The following EDRF1 variants were observed in gnomAD, a reference collection of about 807,000 sequenced individuals.
EDRF1 encodes erythroid differentiation regulatory factor 1, also known as erythroid differentiation-related factor 1.
Under a neutral mutation model 148.7 loss-of-function variants are expected in EDRF1, and 69 were observed. The observed-to-expected ratio is 0.46, with a 90% CI of 0.38 to 0.57. The LOEUF is 0.57. Ranked by LOEUF, EDRF1 falls within the 20% of genes least tolerant of loss-of-function variation. The pLI is 0.00. For synonymous variants in EDRF1, 515 were observed against 532.8 expected, an observed-to-expected ratio of 0.97 and a Z score of 0.46; for missense variants, 1,118 against 1,478.7, an observed-to-expected ratio of 0.76 and a Z score of 4.00.
chr10:125,745,987 A>C (rs988627779), intron 19 of EDRF1, 57 bp downstream of exon 19: 2 of 1,547,862 alleles, frequency 1.3e-6, no homozygotes, highest in African/African-American at 2.7e-5. Context: ...ATTTATTTAC[A>C]TTTTGCCAGT....
Position 125,738,192 on chromosome 10 carries a change from G to A in EDRF1, c.1831-103G>A, listed in dbSNP as rs556546752. ...TTTTTGAAAGTCTGTTTGTGAGATGGAAATTTTCCTAAACGTATTCAGTAG... is the reference window on the plus strand; with the variant it reads ...TTTTTGAAAGTCTGTTTGTGAGATGAAAATTTTCCTAAACGTATTCAGTAG... On this transcript the variant is annotated intron_variant, in intron 14 of 24. Coordinates refer to ENST00000356792, the MANE Select transcript of EDRF1 (RefSeq NM_001202438.2). 7 of 1,489,850 alleles carry A rather than the reference G, an allele frequency of 4.7e-6. 1 individual carries two copies. In the African/African-American group the frequency reaches 6.9e-5, roughly 15 times the overall value. The allele number at this position is 1,489,850 out of a possible 1,614,324, so 92.3% of individuals were successfully genotyped here.
At chr10:125,733,947 G>A in intron 11 of EDRF1, 125 bp from the exon 12 acceptor site, 2 of 928,232 alleles carry the variant, frequency 2.2e-6, no homozygotes, top group Non-Finnish European at 1.7e-6. Context: ...TGGGTAAAGT[G>A]TAAAGTTTAG....
chr10:125,748,177 T>G, intron 21 of EDRF1, 165 bp downstream of exon 21: 1 of 779,462 alleles, frequency 1.3e-6, no homozygotes, highest in Non-Finnish European at 2.2e-6. Flanking sequence ...GCTGTGCCAC[T>G]TAAACAATAT....
chr10:125,739,522 A>T (rs1848906780), intron 15 of EDRF1, among the ~76,000 whole-genome samples: 1 of 152,138 alleles, frequency 6.6e-6, no homozygotes, highest in African/African-American at 2.4e-5. Context: ...ATGCACACAC[A>T]CGGTTGTGAA....
At chr10:125,755,940 C>T (rs1445713867) in intron 24 of EDRF1, among the ~76,000 whole-genome samples, 1 of 151,888 alleles carries the variant, frequency 6.6e-6, no homozygotes, top group Non-Finnish European at 1.5e-5. Flanking sequence ...CATTGTTTCT[C>T]TCTTTTAAAT....
At chr10:125,727,011 T>C (rs1212583927) in intron 6 of EDRF1, among the ~76,000 whole-genome samples, 6 of 147,892 alleles carry the variant, frequency 4.1e-5, no homozygotes, top group African/African-American at 1.5e-4. Flanking sequence ...GAATAGCTCT[T>C]ATGCCATGTG....
rs914221768 is a variant in EDRF1 at position 125,743,393 on chromosome 10, A to G, written c.2590+117A>G. The stretch of plus-strand genomic sequence containing the variant: ...ATTTTATATCATAAAGAGGTGCTCT[A>G]TTAGAGAACCTCTTATTATTCTTAA... On this transcript the variant is annotated intron_variant, in intron 18 of 24. Transcript: ENST00000356792. 2.8e-5 allele frequency: 22 copies of G among 780,112 alleles called. No homozygotes were observed. The African/African-American group carries it at 3.1e-4, about 11-fold the overall frequency. The allele number at this position is 780,112 out of a possible 1,614,324, so 48.3% of individuals were successfully genotyped here.
intron 21 of EDRF1, 82 bp downstream of exon 21, chr10:125,748,094 A>C: frequency 6.6e-7 from 1 of 1,520,630 alleles, no homozygotes; most frequent in Non-Finnish European, 9.1e-7. Flanking sequence ...ACATGGTCAT[A>C]TATGTCTTCC....
In EDRF1 at chr10:125,741,107, A is replaced by G; in HGVS notation, c.2277A>G (p.Ala759=). Residue 759 remains alanine, a synonymous_variant, in exon 17 of 25, where the codon GCA becomes GCG. Transcript: ENST00000356792. ...GDIQLMLAQN[A]NNRAAHLEEF... is the part of the protein sequence containing the mutation. ...TCCAACTAATGCTGGCCCAGAATGC[A>G]AATAATAGAGCAGCACACCTTGAAG... 6.2e-7 allele frequency: 1 copy of G among 1,614,160 alleles called. No individual in the cohort carries two copies. Among genetic ancestry groups the G allele is most frequent in the Non-Finnish European group, 8.5e-7 (1 of 1,180,028 alleles).
intron 22 of EDRF1, among the ~76,000 whole-genome samples, chr10:125,750,161 A>C (rs143468792): frequency 4.5e-4 from 69 of 152,248 alleles, no homozygotes; most frequent in Admixed American, 2.8e-3. Context: ...AACAAACAAA[A>C]AAAAAGATTT....
In EDRF1 at chr10:125,738,374, A is replaced by C. The variant is rs112832877; in HGVS notation, c.1910A>C (p.Lys637Thr). ...AADPSTPIPL[K>T]YEDESSRGGP... The stretch of plus-strand genomic sequence containing the variant: ...GACCCCAGCACTCCAATCCCGTTAA[A>C]ATATGAAGATGAATCCTCAAGAGGG... The change falls in exon 15 of 25, where the codon AAA becomes ACA. Residue 637 changes from lysine (K) to threonine (T), a missense_variant. Lys to Thr is a moderately conservative substitution (Grantham distance 78, BLOSUM62 -1). Around this residue, in one of 3 missense-constraint regions of EDRF1, gnomAD observed 954 missense variants for 1,241.4 expected, o/e 0.77. Transcript: ENST00000356792. 1.2e-6 allele frequency: 2 copies of C among 1,614,144 alleles called. No homozygotes were observed. The highest frequency in any genetic ancestry group is 2.7e-5 in the African/African-American group (2 of 75,032).
At chr10:125,734,219 C>A (rs1848621649) in intron 12 of EDRF1, 36 bp downstream of exon 12, 1 of 1,468,072 alleles carries the variant, frequency 6.8e-7, no homozygotes, top group Middle Eastern at 1.9e-4. Context: ...TAAAACAATC[C>A]TAGCATTCTA....
At chr10:125,720,750 G>A (rs2133654971) in intron 1 of EDRF1, among the ~76,000 whole-genome samples, 1 of 150,440 alleles carries the variant, frequency 6.6e-6, no homozygotes, top group South Asian at 2.1e-4. Context: ...AGCCGAGGTT[G>A]CAGTGAGCCA....
chr10:125,732,620 G>A (rs1848530669), intron 9 of EDRF1, among the ~76,000 whole-genome samples: 1 of 152,122 alleles, frequency 6.6e-6, no homozygotes, highest in Non-Finnish European at 1.5e-5. Context: ...TAAAATACAG[G>A]AAAGGAGCAT....
chr10:125,739,968 G>A (rs1299055649), intron 15 of EDRF1, among the ~76,000 whole-genome samples: 13 of 152,162 alleles, frequency 8.5e-5, no homozygotes, highest in Admixed American at 8.5e-4. Flanking sequence ...AACTAAGATG[G>A]GAGATAGGAA....
At chr10:125,730,761 G>A (rs180679329) in intron 9 of EDRF1, among the ~76,000 whole-genome samples, 1 of 152,164 alleles carries the variant, frequency 6.6e-6, no homozygotes, top group African/African-American at 2.4e-5. Context: ...TTAGGGAAAG[G>A]TCTTGTAAAA....
intron 14 of EDRF1, 60 bp from the exon 15 acceptor site, chr10:125,738,235 A>G: frequency 6.3e-7 from 1 of 1,596,382 alleles, no homozygotes; most frequent in South Asian, 1.1e-5. Context: ...ACTGTCTTAT[A>G]TTTAGTTTTC....
chr10:125,721,522 T>A, intron 2 of EDRF1, 110 bp downstream of exon 2: 7 of 1,018,264 alleles, frequency 6.9e-6, no homozygotes, highest in Non-Finnish European at 1.1e-5. Flanking sequence ...GATTTCTCTT[T>A]AGAGAAAGAT....
chr10:125,720,535 C>T (rs1639693895), intron 1 of EDRF1, among the ~76,000 whole-genome samples: 1 of 152,152 alleles, frequency 6.6e-6, no homozygotes, highest in African/African-American at 2.4e-5. Flanking sequence ...TTTGGCCGGG[C>T]GCGGTGGCTC....
Sources: allele counts gnomAD v4.1 joint callset (sites outside exome capture counted in the v4.1 genomes callset), GRCh38; gene constraint gnomAD v4.1.1; regional missense constraint gnomAD v4.1.1; transcripts MANE v1.5; gene names NCBI Gene and HGNC (gene_info 2026-07-23, HGNC 2026-07-21).